Variants in PNPLA5 observed in about 807,000 individuals in gnomAD.
PNPLA5 encodes patatin-like phospholipase domain-containing protein 5.
PNPLA5 carries 44 observed loss-of-function variants against 49.1 expected under a neutral mutation model. The ratio of observed to expected loss-of-function variants is 0.90; its 90% CI spans 0.70 to 1.15. The LOEUF (loss-of-function observed/expected upper bound fraction) is 1.15, where lower values mean the gene tolerates loss of function less well. Among genes scored for constraint, PNPLA5 ranks in the 50% most tolerant of loss-of-function variants. The pLI, the probability that PNPLA5 is intolerant of heterozygous loss-of-function variation, is 0.00. For missense variants in PNPLA5, 603 were observed against 564.0 expected, an observed-to-expected ratio of 1.07 and a Z score of -0.70; for synonymous variants, 243 against 244.4, an observed-to-expected ratio of 0.99 and a Z score of 0.06.
chr22:43,889,272 C>G, intron 4 of PNPLA5, 57 bp downstream of exon 4: 1 of 1,588,860 alleles, frequency 6.3e-7, no homozygotes, highest in South Asian at 1.1e-5. Flanking sequence ...CAGAGTCTGA[C>G]TCACGGGGCC....
chr22:43,889,522 G>T lies in PNPLA5; in HGVS notation c.509C>A (p.Ala170Asp), dbSNP rs1243129766. ...TGCAAAGGGCAAGTTGTTGCTCAGA[G>T]CCCCATCGATGTAGCGCTGCAATTT... ...EFRGERYIDGALSNNLPFADC... is the reference protein window; with the variant it reads ...EFRGERYIDGDLSNNLPFADC... The change falls in exon 4 of 9, where the codon GCT becomes GAT. Residue 170 changes from alanine (A) to aspartate (D), a missense_variant. Transcript: ENST00000216177. The T allele has an allele frequency of 6.2e-7, 1 of 1,611,258 alleles. No individual in the cohort carries two copies. Among genetic ancestry groups the T allele is most frequent in the African/African-American group, 1.3e-5 (1 of 74,850 alleles).
At position 43,880,821 on chromosome 22, in the gene PNPLA5, C is replaced by T. The variant is rs377213520; in HGVS notation, c.1264G>A (p.Glu422Lys). 12 of 1,341,452 alleles carry T rather than the reference C, an allele frequency of 8.9e-6. No homozygotes were observed. Among genetic ancestry groups the T allele is most frequent in the Middle Eastern group, 2.1e-4 (1 of 4,776 alleles). 83.1% of individuals were successfully genotyped at this position (1,341,452 alleles called of 1,614,324 possible). ...LQPQIAPHRE[E>K]LGPTHQA The stretch of plus-strand genomic sequence containing the variant: ...CAGGCCTGGTGGGTGGGCCCGAGCT[C>T]CTCTCTATGAGGAGCTATCTGGGGT... The change falls in exon 9 of 9, where the codon GAG becomes AAG. Residue 422 changes from glutamate (E) to lysine (K), a missense_variant. Glu to Lys is a moderately conservative substitution (Grantham distance 56, BLOSUM62 1). Transcript: ENST00000216177.
At chr22:43,884,545 C>CATCTACGAGAGGGCA in intron 6 of PNPLA5, 200 bp from the exon 7 acceptor site, 1 of 331,694 alleles carries the variant, frequency 3.0e-6, no homozygotes, top group Non-Finnish European at 4.3e-6. Flanking sequence ...TGTATGCCCT[C>CATCTACGAGAGGGCA]TCGTAGATGA....
intron 6 of PNPLA5, 82 bp downstream of exon 6, chr22:43,886,221 G>A (rs1244622533): frequency 3.4e-6 from 5 of 1,465,788 alleles, no homozygotes; most frequent in Non-Finnish European, 4.6e-6. Flanking sequence ...CAGACCACGA[G>A]TGCCTTCAAG....
At chr22:43,888,371 AGTGT>A (rs35343347) in intron 4 of PNPLA5, among the ~76,000 whole-genome samples, 14,227 of 112,838 alleles carry the variant, frequency 0.13, 920 homozygotes, top group South Asian at 0.2. Flanking sequence ...GGGGCAGAGG[AGTGT>A]GTGTGTGTGT....
Position 43,886,159 on chromosome 22 carries a change from G to A in PNPLA5, c.949+144C>T, listed in dbSNP as rs934748315. ...CGATGCCACATGTGAAAAGCCCATAGTACCACACTTGGCATTTAGTAGGTG... is the reference window on the plus strand; with the variant it reads ...CGATGCCACATGTGAAAAGCCCATAATACCACACTTGGCATTTAGTAGGTG... On this transcript the variant is annotated intron_variant, in intron 6 of 8. Transcript: ENST00000216177. The A allele has an allele frequency of 5.0e-5, 44 of 886,524 alleles. No homozygotes were observed. In the African/African-American group the frequency reaches 6.7e-4, roughly 14 times the overall value. The allele number at this position is 886,524 out of a possible 1,614,324, so 54.9% of individuals were successfully genotyped here. A position where few individuals can be genotyped will look rare whatever the true frequency, so the allele number is the denominator to read the frequency against.
At chr22:43,883,689 T>C (rs2049632480) in intron 7 of PNPLA5, among the ~76,000 whole-genome samples, 1 of 151,914 alleles carries the variant, frequency 6.6e-6, no homozygotes, top group African/African-American at 2.4e-5. Flanking sequence ...TGGGCACCTG[T>C]GGTCCCAGCT....
chr22:43,888,998 T>C (rs899964108), intron 4 of PNPLA5, among the ~76,000 whole-genome samples: 1 of 152,066 alleles, frequency 6.6e-6, no homozygotes, highest in Non-Finnish European at 1.5e-5. Context: ...CCCTGAGAAA[T>C]GGAAATGATA....
rs470093 is a variant in PNPLA5 at position 43,880,291 on chromosome 22, T to A, written c.*504A>T. The A allele has an allele frequency of 2.5e-6, 1 of 397,496 alleles. No homozygotes were observed. The highest frequency in any genetic ancestry group is 4.4e-6 in the Non-Finnish European group (1 of 225,932). 24.6% of individuals were successfully genotyped at this position (397,496 alleles called of 1,614,324 possible). On this transcript the variant is annotated 3_prime_UTR_variant, in exon 9 of 9. Coordinates refer to ENST00000216177, the MANE Select transcript of PNPLA5 (RefSeq NM_138814.4). ...TTCCACCCTCTGGACCTGATAGGAATTCAGAAGTCAAGGTTTCCTGAGTGG... is the reference window on the plus strand; with the variant it reads ...TTCCACCCTCTGGACCTGATAGGAAATCAGAAGTCAAGGTTTCCTGAGTGG...
At chr22:43,887,904 CCT>C (rs1291495452) in intron 4 of PNPLA5, among the ~76,000 whole-genome samples, 1 of 152,234 alleles carries the variant, frequency 6.6e-6, no homozygotes, top group Non-Finnish European at 1.5e-5. Context: ...GCATCTCCCC[CCT>C]GAGACACCCT....
chr22:43,891,773 CG>C lies in PNPLA5; in HGVS notation c.107del (p.Pro36ArgfsTer46). 6.5e-7 allele frequency: 1 copy of C among 1,533,384 alleles called. No homozygotes were observed. Among genetic ancestry groups the C allele is most frequent in the Non-Finnish European group, 8.8e-7 (1 of 1,141,906 alleles). The allele number at this position is 1,533,384 out of a possible 1,614,324, so 95.0% of individuals were successfully genotyped here. On this transcript the variant is annotated frameshift_variant, in exon 1 of 9. Transcript: ENST00000216177. LOFTEE classifies it high-confidence loss of function. ...GATECLRQRAPRLLQGARRIY... is the reference protein window; with the variant it reads ...GATECLRQRAXRLLQGARRIY... Reference sequence around the variant, plus strand: ...TGCGGCGGGCGCCCTGGAGGAGGCGCGGGGCTCGCTGGCGCAGGCATTCGGT... The same window carrying C: ...TGCGGCGGGCGCCCTGGAGGAGGCGCGGGCTCGCTGGCGCAGGCATTCGGT...
chr22:43,888,256 G>T (rs2049685664), intron 4 of PNPLA5, among the ~76,000 whole-genome samples: 1 of 152,068 alleles, frequency 6.6e-6, no homozygotes. Context: ...CCGCCCAGGG[G>T]TGTGGGGAGT....
chr22:43,889,266 G>A (rs1012939534), intron 4 of PNPLA5, 63 bp downstream of exon 4: 4 of 1,578,470 alleles, frequency 2.5e-6, no homozygotes, highest in Non-Finnish European at 3.4e-6. Context: ...AGCACACAGA[G>A]TCTGACTCAC....
At chr22:43,881,225 G>C (rs934647518) in intron 8 of PNPLA5, among the ~76,000 whole-genome samples, 1 of 152,228 alleles carries the variant, frequency 6.6e-6, no homozygotes, top group Non-Finnish European at 1.5e-5. Context: ...CCTCGTCCAA[G>C]GTCACGTGGG....
Position 43,885,948 on chromosome 22 carries a change from A to C in PNPLA5, c.949+355T>G, listed in dbSNP as rs556655204. On this transcript the variant is annotated intron_variant, in intron 6 of 8. Coordinates refer to ENST00000216177, the MANE Select transcript of PNPLA5 (RefSeq NM_138814.4). ...GTGTGTGCCTCTCCTATGTCTGTCA[A>C]CACTCCCGCCCTTTCCGGGGCAGTG... Among the ~76,000 whole-genome samples the C allele has an allele frequency of 4.5e-4, 68 of 152,242 alleles. 1 individual carries two copies. Among genetic ancestry groups the C allele is most frequent in the African/African-American group, 1.5e-3 (64 of 41,538 alleles).
At chr22:43,886,251 G>GC in intron 6 of PNPLA5, 52 bp downstream of exon 6, 2 of 1,549,674 alleles carry the variant, frequency 1.3e-6, no homozygotes, top group East Asian at 4.5e-5. Context: ...CTGAGCCCGG[G>GC]CCCCTGAGTG....
At chr22:43,882,609 G>A (rs2049621836) in intron 7 of PNPLA5, among the ~76,000 whole-genome samples, 1 of 152,224 alleles carries the variant, frequency 6.6e-6, no homozygotes, top group Non-Finnish European at 1.5e-5. Context: ...ACTTCCCTGT[G>A]GTCTGGGCAG....
At chr22:43,886,871 C>T (rs1040374739) in intron 5 of PNPLA5, among the ~76,000 whole-genome samples, 5 of 152,206 alleles carry the variant, frequency 3.3e-5, no homozygotes, top group Admixed American at 2.0e-4. Flanking sequence ...CTTAAGCTCA[C>T]GTCTGGGCAC....
At chr22:43,888,385 TGTG>T (rs1462583544) in intron 4 of PNPLA5, among the ~76,000 whole-genome samples, 2 of 144,772 alleles carry the variant, frequency 1.4e-5, no homozygotes, top group Non-Finnish European at 3.0e-5. Context: ...TGTGTGTGTG[TGTG>T]TGTGTGTGTG....
Sources: gnomAD v4.1 joint callset for allele counts (sites outside exome capture counted in the v4.1 genomes callset) on GRCh38, gnomAD v4.1.1 for gene constraint, MANE v1.5 for transcripts, NCBI Gene and HGNC (gene_info 2026-07-23, HGNC 2026-07-21) for gene names.